Variants in AGBL4 observed in about 807,000 individuals in gnomAD.
AGBL4 encodes the protein cytosolic carboxypeptidase 6.
AGBL4 carries 58 observed loss-of-function variants against 66.4 expected under a neutral mutation model. The observed-to-expected ratio is 0.87, with a 90% CI of 0.71 to 1.09. The LOEUF (loss-of-function observed/expected upper bound fraction) is 1.09. AGBL4 is among the 50% of genes least tolerant of loss of function. AGBL4 has a pLI of 0.00. For missense variants in AGBL4, 579 were observed against 631.0 expected (o/e 0.92, Z 0.88); for synonymous variants, 234 against 222.9 (o/e 1.05, Z -0.44).
chr1:49,345,871 G>A (rs1645624802), intron 3 of AGBL4, among the ~76,000 whole-genome samples: 1 of 152,088 alleles, frequency 6.6e-6, no homozygotes, highest in African/African-American at 2.4e-5. Flanking sequence ...AGGAGACACT[G>A]GTTATTTTAC....
intron 5 of AGBL4, among the ~76,000 whole-genome samples, chr1:48,928,330 A>G (rs1376097319): frequency 6.6e-6 from 1 of 152,210 alleles, no homozygotes; most frequent in Non-Finnish European, 1.5e-5. Flanking sequence ...GAATCTTAGC[A>G]CAGGTGCTGT....
rs151174600 is a variant in AGBL4, at chr1:49,912,400, A to G, written c.35-60882T>C. Among the ~76,000 whole-genome samples, 3 of 152,364 alleles carry G rather than the reference A, an allele frequency of 2.0e-5. No homozygotes were observed. In the East Asian group the frequency reaches 5.8e-4, roughly 29 times the overall value. On this transcript the variant is annotated intron_variant, in intron 1 of 13. Transcript: ENST00000371839. ...GGACAGTTATAGGAAGGCTTCTCTG[A>G]GAACGCAGTAATAAGAAACAGTAAT...
At chr1:49,113,395 C>A (rs183281138) in intron 4 of AGBL4, among the ~76,000 whole-genome samples, 2 of 140,024 alleles carry the variant, frequency 1.4e-5, no homozygotes, top group East Asian at 2.0e-4. Context: ...CAGGCACAAA[C>A]CACCACACCA....
rs533737712 is a variant in AGBL4, at chr1:49,848,430, C to T, written c.157+2966G>A. Among the ~76,000 whole-genome samples the T allele has an allele frequency of 1.1e-3, 162 of 152,240 alleles. No homozygotes were observed. The South Asian group carries it at 0.011, about 10-fold the overall frequency. On this transcript the variant is annotated intron_variant, in intron 2 of 13. Transcript: ENST00000371839. ...ATGTGGAATCAGCCTAAATGTCACTCAATGCAGGATTGCATAAAGAACATG... is the reference window on the plus strand; with the variant it reads ...ATGTGGAATCAGCCTAAATGTCACTTAATGCAGGATTGCATAAAGAACATG...
intron 4 of AGBL4, among the ~76,000 whole-genome samples, chr1:49,063,616 A>G (rs932546833): frequency 4.6e-5 from 7 of 152,216 alleles, no homozygotes; most frequent in African/African-American, 1.7e-4. Flanking sequence ...TATGGGCGAG[A>G]ACAAATATAC....
intron 3 of AGBL4, among the ~76,000 whole-genome samples, chr1:49,315,488 C>A (rs1217244041): frequency 1.3e-5 from 2 of 152,182 alleles, no homozygotes; most frequent in Middle Eastern, 3.4e-3. Flanking sequence ...TTTTTGCAAT[C>A]TATCCATCTG....
At chr1:48,777,042 G>A (rs1251106552) in intron 6 of AGBL4, 3 of 344,946 alleles carry the variant, frequency 8.7e-6, no homozygotes, top group Non-Finnish European at 1.5e-5. Context: ...AGGGAGGGAG[G>A]GGGGGAAAGG....
chr1:49,847,851 G>T, intron 2 of AGBL4, among the ~76,000 whole-genome samples: 1 of 151,970 alleles, frequency 6.6e-6, no homozygotes, highest in East Asian at 1.9e-4. Context: ...ATAGGCGCCC[G>T]CCACCTCGCC....
intron 3 of AGBL4, among the ~76,000 whole-genome samples, chr1:49,663,696 A>G (rs1312941851): frequency 6.6e-6 from 1 of 152,116 alleles, no homozygotes; most frequent in Admixed American, 6.6e-5. Context: ...TAGAATGAAC[A>G]GATAGAAAAT....
intron 4 of AGBL4, among the ~76,000 whole-genome samples, chr1:49,107,631 G>A (rs989579024): frequency 6.6e-6 from 1 of 151,138 alleles, no homozygotes; most frequent in South Asian, 2.1e-4. Context: ...TGGATTAATT[G>A]TCTGTGTGTA....
intron 6 of AGBL4, among the ~76,000 whole-genome samples, chr1:48,689,384 C>T (rs1001345110): frequency 6.7e-6 from 1 of 149,648 alleles, no homozygotes; most frequent in Admixed American, 6.7e-5. Flanking sequence ...CACCTACCTA[C>T]CTACCTACCT....
At chr1:49,604,716 C>G (rs1270844684) in intron 3 of AGBL4, among the ~76,000 whole-genome samples, 1 of 152,022 alleles carries the variant, frequency 6.6e-6, no homozygotes, top group Non-Finnish European at 1.5e-5. Context: ...GGTACATAGA[C>G]TTCTTCCATC....
rs1024376280 is a variant in AGBL4, at chr1:48,856,188, A to T, written c.634+11003T>A. On this transcript the variant is annotated intron_variant, in intron 6 of 13. Transcript: ENST00000371839. ...GTTTCTCAAAATTTGTACAATGAGC[A>T]TGTGCAATTTTTTAATAGAGAAAGT... 2.6e-5 allele frequency among the ~76,000 whole-genome samples: 4 copies of T among 152,206 alleles called. No homozygotes were observed. The South Asian group carries it at 8.3e-4, about 32-fold the overall frequency.
intron 11 of AGBL4, among the ~76,000 whole-genome samples, chr1:48,570,123 T>C (rs1048774785): frequency 1.3e-5 from 2 of 152,246 alleles, no homozygotes; most frequent in Non-Finnish European, 2.9e-5. Flanking sequence ...TTTGAATTAG[T>C]CATGCACATG....
At chr1:49,597,712 A>T (rs1644877482) in intron 3 of AGBL4, among the ~76,000 whole-genome samples, 1 of 152,196 alleles carries the variant, frequency 6.6e-6, no homozygotes, top group African/African-American at 2.4e-5. Context: ...AGAGGCAATT[A>T]TAAAAGTCAA....
intron 6 of AGBL4, among the ~76,000 whole-genome samples, chr1:48,826,835 T>C (rs1460291471): frequency 6.6e-6 from 1 of 152,148 alleles, no homozygotes; most frequent in Non-Finnish European, 1.5e-5. Flanking sequence ...AGGATCTGGC[T>C]CCAATGTCCT....
At chr1:49,068,514 AATG>A (rs1336622147) in intron 4 of AGBL4, among the ~76,000 whole-genome samples, 1 of 151,864 alleles carries the variant, frequency 6.6e-6, no homozygotes, top group Non-Finnish European at 1.5e-5. Flanking sequence ...CTTTGCTGAG[AATG>A]ATGGTTTCCA....
At chr1:49,998,194 T>C (rs980380430) in intron 1 of AGBL4, among the ~76,000 whole-genome samples, 12 of 151,264 alleles carry the variant, frequency 7.9e-5, no homozygotes, top group African/African-American at 2.9e-4. Flanking sequence ...ATTAGTGAGA[T>C]TAACCAAGAA....
chr1:49,184,901 A>G (rs1189060674), intron 4 of AGBL4, among the ~76,000 whole-genome samples: 3 of 152,182 alleles, frequency 2.0e-5, no homozygotes, highest in African/African-American at 7.2e-5. Context: ...AGATTTAAAC[A>G]TGGTGTTGGA....
Sources: allele counts gnomAD v4.1 joint callset (sites outside exome capture counted in the v4.1 genomes callset), GRCh38; gene constraint gnomAD v4.1.1; transcripts MANE v1.5; gene names NCBI Gene and HGNC (gene_info 2026-07-23, HGNC 2026-07-21).